TSGA10: variants seen among roughly 807,000 people sequenced by gnomAD.
The protein encoded by TSGA10 is testis-specific gene 10 protein.
In TSGA10, 43 loss-of-function variants were observed where a neutral mutation model predicts 96.6. The ratio of observed to expected loss-of-function variants is 0.44; its 90% confidence interval spans 0.35 to 0.57. TSGA10 has a LOEUF of 0.57. Ranked by LOEUF, TSGA10 falls within the 20% of genes least tolerant of loss-of-function variation. The pLI, the probability that TSGA10 is intolerant of heterozygous loss-of-function variation, is 0.01. For missense variants in TSGA10, 703 were observed against 834.4 expected, an observed-to-expected ratio of 0.84 and a Z score of 1.94; for synonymous variants, 229 against 269.9, an observed-to-expected ratio of 0.85 and a Z score of 1.48.
At chr2:99,069,803 A>G (rs2085709904) in intron 14 of TSGA10, among the ~76,000 whole-genome samples, 1 of 152,122 alleles carries the variant, frequency 6.6e-6, no homozygotes, top group South Asian at 2.1e-4. Flanking sequence ...AAATAATAGT[A>G]TATCTACATA....
At chr2:99,133,107 G>A (rs760430167) in intron 1 of TSGA10, among the ~76,000 whole-genome samples, 1 of 152,116 alleles carries the variant, frequency 6.6e-6, no homozygotes, top group African/African-American at 2.4e-5. Context: ...TGTTAGGTCC[G>A]GTTGGTCCAG....
At chr2:99,001,185 G>A (rs1029567441) in intron 20 of TSGA10, among the ~76,000 whole-genome samples, 3 of 152,300 alleles carry the variant, frequency 2.0e-5, no homozygotes, top group African/African-American at 7.2e-5. Flanking sequence ...GTGAGTCCCT[G>A]ACCCCCTAGT....
chr2:99,115,338 TA>T (rs1161461652), intron 4 of TSGA10, among the ~76,000 whole-genome samples: 1 of 152,104 alleles, frequency 6.6e-6, no homozygotes, highest in Non-Finnish European at 1.5e-5. Flanking sequence ...GAAGTGGCAT[TA>T]AAAAATTAAG....
chr2:99,026,138 T>C (rs192533271), intron 17 of TSGA10, among the ~76,000 whole-genome samples: 29 of 152,318 alleles, frequency 1.9e-4, no homozygotes, highest in Admixed American at 3.3e-4. Flanking sequence ...TATTTCCTTG[T>C]TGATGTTCTG....
chr2:99,015,363 C>T (rs191422850), intron 20 of TSGA10, among the ~76,000 whole-genome samples: 1 of 152,162 alleles, frequency 6.6e-6, no homozygotes, highest in African/African-American at 2.4e-5. Context: ...TGTGACAGAT[C>T]ACATAAACAA....
Position 99,018,243 on chromosome 2 carries a change from G to A in TSGA10, c.2029C>T (p.His677Tyr), listed in dbSNP as rs762162128. The A allele has an allele frequency of 6.8e-6, 11 of 1,613,970 alleles. No individual in the cohort carries two copies. The highest frequency in any genetic ancestry group is 9.3e-6 in the Non-Finnish European group (11 of 1,180,000). The change falls in exon 20 of 21, where the codon CAC (histidine) becomes TAC (tyrosine). Residue 677 changes from histidine (H) to tyrosine (Y), a missense_variant. His to Tyr is a moderately conservative substitution (Grantham distance 83). Around this residue, in one of 3 missense-constraint regions of TSGA10, gnomAD observed 69 missense variants for 81.3 expected, o/e 0.85. Coordinates refer to ENST00000393483, the MANE Select transcript of TSGA10 (RefSeq NM_025244.4). ...AGGCCTCGGTCAGGAGATCGATGGT[G>A]AGCACGTTCTGGTGAATGACATTTT... is the stretch of plus-strand genomic sequence containing the variant. ...NTKCHSPERA[H>Y]HRSPDRGLDR... is the part of the protein sequence containing the mutation.
chr2:99,131,649 A>G (rs1355261545), intron 1 of TSGA10, among the ~76,000 whole-genome samples: 1 of 152,174 alleles, frequency 6.6e-6, no homozygotes, highest in Non-Finnish European at 1.5e-5. Flanking sequence ...AGAACTTCCA[A>G]TACTATATTG....
Position 99,092,408 on chromosome 2 carries a change from A to G in TSGA10, c.612-11011T>C, listed in dbSNP as rs543433862. ...ACAAGAACAAACCAAACCCAAACTC[A>G]GCAGAAGAAAAGAAATAATAAATAT... On this transcript the variant is annotated intron_variant, in intron 10 of 20. Transcript: ENST00000393483. Among the ~76,000 whole-genome samples, 34 of 152,252 alleles carry G rather than the reference A, an allele frequency of 2.2e-4. No individual in the cohort carries two copies. In the East Asian group the frequency reaches 6.2e-3, roughly 28 times the overall value.
intron 20 of TSGA10, among the ~76,000 whole-genome samples, chr2:99,010,408 C>T (rs2078904661): frequency 6.6e-6 from 1 of 152,228 alleles, no homozygotes; most frequent in African/African-American, 2.4e-5. Context: ...AGGTGAAAAA[C>T]TGTGAGTTCC....
At chr2:98,999,900 C>T (rs1450880195) in intron 20 of TSGA10, among the ~76,000 whole-genome samples, 1 of 152,136 alleles carries the variant, frequency 6.6e-6, no homozygotes, top group Non-Finnish European at 1.5e-5. Flanking sequence ...AGGCACGTGC[C>T]ACCATATCTG....
chr2:99,006,091 T>C (rs891164452), intron 20 of TSGA10, among the ~76,000 whole-genome samples: 69 of 152,260 alleles, frequency 4.5e-4, no homozygotes, highest in Admixed American at 4.6e-4. Flanking sequence ...GCTAGCTGTA[T>C]GTAGAAAGCT....
In TSGA10 at chr2:99,071,780, T is replaced by C. The variant is rs1284790720; in HGVS notation, c.1033A>G (p.Arg345Gly). ...TCATGAGCCAAGATATCTCTTTCCCTGGCGATCTGGGCCAGCTCATCATTT... is the reference window on the plus strand; with the variant it reads ...TCATGAGCCAAGATATCTCTTTCCCCGGCGATCTGGGCCAGCTCATCATTT... ...ETNDELAQIARERDILAHDND... is the reference protein window; with the variant it reads ...ETNDELAQIAGERDILAHDND... Residue 345 changes from arginine (R) to glycine (G), a missense_variant, in exon 14 of 21, where the codon AGG becomes GGG. Arg to Gly is a moderately radical substitution (Grantham distance 125, BLOSUM62 -2). Transcript: ENST00000393483. The C allele has an allele frequency of 1.2e-6, 2 of 1,614,056 alleles. No homozygotes were observed. Among genetic ancestry groups the C allele is most frequent in the African/African-American group, 1.3e-5 (1 of 75,048 alleles).
At position 99,072,390 on chromosome 2, in the gene TSGA10, A is replaced by G. The variant is rs541756846; in HGVS notation, c.939-516T>C. Among the ~76,000 whole-genome samples the G allele has an allele frequency of 5.9e-5, 9 of 152,310 alleles. No individual in the cohort carries two copies. The South Asian group carries it at 1.9e-3, about 32-fold the overall frequency. ...CCAGACTTATATTTAACTGCTTACT[A>G]GACATGTCTACAATAAGGTCCCAAA... On this transcript the variant is annotated intron_variant, in intron 13 of 20. Transcript: ENST00000393483.
At chr2:99,082,734 A>T (rs1313389356) in intron 10 of TSGA10, among the ~76,000 whole-genome samples, 5 of 152,232 alleles carry the variant, frequency 3.3e-5, no homozygotes, top group Non-Finnish European at 7.3e-5. Context: ...CCTTAGTGGG[A>T]GTCAAAAGAC....
At chr2:99,076,868 C>CAG (rs2086756210) in intron 12 of TSGA10, among the ~76,000 whole-genome samples, 4 of 152,082 alleles carry the variant, frequency 2.6e-5, no homozygotes, top group African/African-American at 9.7e-5. Flanking sequence ...TCAGTGACTA[C>CAG]TATCTAGTCA....
chr2:99,153,410 G>A (rs1438609450), intron 1 of TSGA10, among the ~76,000 whole-genome samples: 1 of 152,174 alleles, frequency 6.6e-6, no homozygotes, highest in African/African-American at 2.4e-5. Flanking sequence ...GGTCACTGGA[G>A]GATTGTTAAA....
At chr2:99,116,350 G>A (rs2092259696) in intron 4 of TSGA10, among the ~76,000 whole-genome samples, 1 of 120,582 alleles carries the variant, frequency 8.3e-6, no homozygotes, top group Non-Finnish European at 1.9e-5. Flanking sequence ...TCATGGCAAA[G>A]TACTCAATCA....
At chr2:99,081,543 C>T (rs1469238271) in intron 10 of TSGA10, 146 bp from the exon 11 acceptor site, 1 of 386,834 alleles carries the variant, frequency 2.6e-6, no homozygotes, top group Non-Finnish European at 4.7e-6. Flanking sequence ...CATTATAAAA[C>T]CAGGAAGTTT....
chr2:99,007,378 GAT>G (rs2078595299), intron 20 of TSGA10, among the ~76,000 whole-genome samples: 1 of 151,874 alleles, frequency 6.6e-6, no homozygotes, highest in African/African-American at 2.4e-5. Flanking sequence ...GTATATAAGA[GAT>G]ATATTTAAAA....
Sources: allele counts gnomAD v4.1 joint callset (sites outside exome capture counted in the v4.1 genomes callset), GRCh38; gene constraint gnomAD v4.1.1; regional missense constraint gnomAD v4.1.1; transcripts MANE v1.5; gene names NCBI Gene and HGNC (gene_info 2026-07-23, HGNC 2026-07-21).